Variants in GPC3 observed in about 807,000 individuals in gnomAD.
The protein encoded by GPC3 is glypican 3.
In GPC3, 3 loss-of-function variants were observed where a neutral mutation model predicts 34.4. The observed-to-expected ratio is 0.09, with a 90% CI of 0.04 to 0.23. The LOEUF is 0.23. Ranked by LOEUF, GPC3 falls within the 10% of genes least tolerant of loss-of-function variation. The pLI, the probability that GPC3 is intolerant of heterozygous loss-of-function variation, is 1.00. For missense variants in GPC3, 351 were observed against 445.6 expected (o/e 0.79, Z 1.91); for synonymous variants, 177 against 174.0 (o/e 1.02, Z -0.13).
At chrX:133,771,017 T>G (rs1405736461) in intron 2 of GPC3, among the ~76,000 whole-genome samples, 2 of 111,299 alleles carry the variant, frequency 1.8e-5, no homozygotes, top group African/African-American at 3.3e-5. Flanking sequence ...GTATACACTA[T>G]GAGGGCTCAA....
At chrX:133,713,807 TACTATGAA>T (rs1276385158) in intron 3 of GPC3, among the ~76,000 whole-genome samples, 1 of 112,188 alleles carries the variant, frequency 8.9e-6, no homozygotes, top group Non-Finnish European at 1.9e-5. Context: ...TGTTATCTTC[TACTATGAA>T]ACTTGACAGC....
chrX:133,559,135 T>C (rs2069520087), intron 7 of GPC3, among the ~76,000 whole-genome samples: 1 of 109,972 alleles, frequency 9.1e-6, no homozygotes, highest in Non-Finnish European at 1.9e-5. Context: ...TCATCCAGGC[T>C]GGAGTGCAGT....
At chrX:133,880,326 G>A (rs1313703192) in intron 2 of GPC3, among the ~76,000 whole-genome samples, 2 of 111,968 alleles carry the variant, frequency 1.8e-5, no homozygotes, top group African/African-American at 6.5e-5. Context: ...AGTTGAAAGC[G>A]AAACACTGAT....
chrX:133,687,796 T>A (rs967727042), intron 5 of GPC3, among the ~76,000 whole-genome samples: 2 of 111,712 alleles, frequency 1.8e-5, no homozygotes, highest in African/African-American at 3.3e-5. Context: ...TTTGAACATA[T>A]ATAGTTTAAA....
chrX:133,966,186 C>T (rs149650316), intron 1 of GPC3, among the ~76,000 whole-genome samples: 13 of 112,357 alleles, frequency 1.2e-4, no homozygotes, highest in Non-Finnish European at 1.9e-4. Context: ...AAGCCTCATT[C>T]TCACTGCTCA....
chrX:133,975,105 C>T (rs2076509490), intron 1 of GPC3, among the ~76,000 whole-genome samples: 1 of 110,165 alleles, frequency 9.1e-6, no homozygotes, highest in Admixed American at 9.7e-5. Flanking sequence ...GTCTATTCTA[C>T]TCCCTCTATT....
chrX:133,763,723 G>T, intron 2 of GPC3: 3 of 482,918 alleles, frequency 6.2e-6, no homozygotes, highest in Non-Finnish European at 1.1e-5. Flanking sequence ...TGGAAATAAG[G>T]CTGACAAAAA....
At chrX:133,886,994 T>C (rs1244211206) in intron 2 of GPC3, among the ~76,000 whole-genome samples, 1 of 112,426 alleles carries the variant, frequency 8.9e-6, no homozygotes, top group African/African-American at 3.2e-5. Context: ...ATATGGTAAT[T>C]CTATCTTCAG....
At chrX:133,951,291 A>G (rs1220195830) in intron 2 of GPC3, among the ~76,000 whole-genome samples, 1 of 110,283 alleles carries the variant, frequency 9.1e-6, no homozygotes, top group African/African-American at 3.3e-5. Flanking sequence ...TAGAAAACAC[A>G]GTGGGCAAAG....
chrX:133,624,969 G>T (rs1447578332), intron 6 of GPC3, among the ~76,000 whole-genome samples: 2 of 111,705 alleles, frequency 1.8e-5, no homozygotes, highest in East Asian at 5.6e-4. Flanking sequence ...TATCCACCAC[G>T]ATCAAGTTGG....
chrX:133,819,731 C>G (rs753904716), intron 2 of GPC3, among the ~76,000 whole-genome samples: 225 of 111,791 alleles, frequency 2.0e-3, no homozygotes, highest in South Asian at 0.012. Context: ...TACTTAGCCT[C>G]TCTGTAAATC....
chrX:133,736,042 T>C (rs1339880170), intron 3 of GPC3, among the ~76,000 whole-genome samples: 1 of 110,410 alleles, frequency 9.1e-6, no homozygotes. Flanking sequence ...AATTGAACAA[T>C]GAAATGACAA....
chrX:133,721,816 T>G (rs1240185559), intron 3 of GPC3, among the ~76,000 whole-genome samples: 1 of 112,092 alleles, frequency 8.9e-6, no homozygotes, highest in Non-Finnish European at 1.9e-5. Context: ...AATTAAGTGC[T>G]AAATCTGTAA....
At chrX:133,767,205 C>T (rs1286909439) in intron 2 of GPC3, among the ~76,000 whole-genome samples, 3 of 111,630 alleles carry the variant, frequency 2.7e-5, no homozygotes, top group African/African-American at 9.8e-5. Context: ...ACTGGGTCTA[C>T]TAAATATTTC....
At chrX:133,902,630 C>T (rs1200198127) in intron 2 of GPC3, among the ~76,000 whole-genome samples, 1 of 111,045 alleles carries the variant, frequency 9.0e-6, no homozygotes, top group Admixed American at 9.6e-5. Flanking sequence ...GGCTAAGGCA[C>T]GAGAATCACT....
intron 2 of GPC3, among the ~76,000 whole-genome samples, chrX:133,814,106 G>A (rs1367808448): frequency 9.0e-6 from 1 of 111,675 alleles, no homozygotes; most frequent in East Asian, 2.8e-4. Context: ...ACAGACAGCT[G>A]TGCTTTCAGG....
intron 7 of GPC3, among the ~76,000 whole-genome samples, chrX:133,590,055 G>A (rs1317728449): frequency 1.8e-5 from 2 of 111,121 alleles, no homozygotes; most frequent in African/African-American, 6.6e-5. Context: ...TAAAAGGGCT[G>A]GAGAGAACTA....
At chrX:133,910,664 G>C (rs920783774) in intron 2 of GPC3, among the ~76,000 whole-genome samples, 5 of 111,938 alleles carry the variant, frequency 4.5e-5, no homozygotes, top group African/African-American at 1.6e-4. Flanking sequence ...TTTCACAGAA[G>C]GCATCACACA....
At chrX:133,780,722 A>G (rs2124502495) in intron 2 of GPC3, among the ~76,000 whole-genome samples, 1 of 111,920 alleles carries the variant, frequency 8.9e-6, no homozygotes, top group East Asian at 2.8e-4. Flanking sequence ...CTCTATTGCT[A>G]GTAGTGTAAA....
Sources: gnomAD v4.1 joint callset for allele counts (sites outside exome capture counted in the v4.1 genomes callset) on GRCh38, gnomAD v4.1.1 for gene constraint, MANE v1.5 for transcripts, NCBI Gene and HGNC (gene_info 2026-07-23, HGNC 2026-07-21) for gene names.